The following TSHZ2 variants were observed in gnomAD, a reference collection of about 807,000 sequenced individuals.
The protein encoded by TSHZ2 is teashirt zinc finger homeobox 2.
Under a neutral mutation model 74.4 loss-of-function variants are expected in TSHZ2, and 21 were observed. The observed-to-expected ratio is 0.28, with a 90% CI of 0.20 to 0.41. The LOEUF (loss-of-function observed/expected upper bound fraction) is 0.41. Among genes scored for constraint, TSHZ2 ranks in the 10% least tolerant of loss-of-function variants. TSHZ2 has a pLI of 1.00. For missense variants in TSHZ2, 1,244 were observed against 1,293.5 expected, an observed-to-expected ratio of 0.96 and a Z score of 0.59; for synonymous variants, 540 against 515.3, an observed-to-expected ratio of 1.05 and a Z score of -0.65.
rs1986344135 is a variant in TSHZ2, at chr20:53,488,127, C to T, written c.*992C>T. On this transcript the variant is annotated 3_prime_UTR_variant, in exon 3 of 3. Transcript: ENST00000371497. ...CAACAGAAAGCATGAAATAGGGTGTCCATTTTAAATGTGTTCCTGCAACTT... is the reference window on the plus strand; with the variant it reads ...CAACAGAAAGCATGAAATAGGGTGTTCATTTTAAATGTGTTCCTGCAACTT... 1 of 152,110 alleles carries T rather than the reference C, an allele frequency of 6.6e-6. No homozygotes were observed. The highest frequency in any genetic ancestry group is 1.5e-5 in the Non-Finnish European group (1 of 68,020). The allele number at this position is 152,110 out of a possible 1,614,324, so 9.4% of individuals were successfully genotyped here.
chr20:53,271,434 GCTACT>G (rs1990836412), intron 2 of TSHZ2, among the ~76,000 whole-genome samples: 1 of 152,240 alleles, frequency 6.6e-6, no homozygotes, highest in Non-Finnish European at 1.5e-5. Context: ...ATTAACAAGA[GCTACT>G]CTCATAATAA....
At chr20:53,448,185 T>A (rs768560051) in intron 2 of TSHZ2, among the ~76,000 whole-genome samples, 3 of 152,154 alleles carry the variant, frequency 2.0e-5, no homozygotes, top group Non-Finnish European at 4.4e-5. Context: ...AAGACTTTAA[T>A]CGGGTGCTGC....
chr20:53,349,676 G>A (rs948857436), intron 2 of TSHZ2, among the ~76,000 whole-genome samples: 3 of 150,562 alleles, frequency 2.0e-5, no homozygotes, highest in Non-Finnish European at 4.4e-5. Flanking sequence ...AAGAAGTGTA[G>A]CTTCCCCAGG....
chr20:53,255,892 T>G lies in TSHZ2; in HGVS notation c.2434T>G (p.Ser812Ala), dbSNP rs1990466479. 6.2e-7 allele frequency: 1 copy of G among 1,613,544 alleles called. No individual in the cohort carries two copies. The highest frequency in any genetic ancestry group is 8.5e-7 in the Non-Finnish European group (1 of 1,179,784). ...CAAAGCCACCACCCCAAAGCCAGCCTCCTCCTCCAGGGTCCCCCCCATGAA... is the reference window on the plus strand; with the variant it reads ...CAAAGCCACCACCCCAAAGCCAGCCGCCTCCTCCAGGGTCCCCCCCATGAA... Reference protein sequence around the residue: ...LPKATTPKPASSSRVPPMKLE... With the variant: ...LPKATTPKPAASSRVPPMKLE... The change falls in exon 2 of 3, where the codon TCC becomes GCC. Residue 812 changes from serine (S) to alanine (A), a missense_variant. Coordinates refer to ENST00000371497, the MANE Select transcript of TSHZ2 (RefSeq NM_173485.6). The surrounding 1 kb of genome is among the most constrained non-coding windows in gnomAD (Gnocchi z 4.1).
chr20:53,021,233 GA>G (rs1483241329), intron 1 of TSHZ2, among the ~76,000 whole-genome samples: 13 of 152,138 alleles, frequency 8.5e-5, no homozygotes, highest in African/African-American at 3.1e-4. Context: ...AACCACTTTG[GA>G]TTTTTTTCTG....
intron 2 of TSHZ2, among the ~76,000 whole-genome samples, chr20:53,447,445 C>T (rs1261466011): frequency 6.6e-6 from 1 of 152,208 alleles, no homozygotes; most frequent in Non-Finnish European, 1.5e-5. Flanking sequence ...ATACCCTTAA[C>T]CCAACTTCCC....
chr20:53,176,690 C>CT (rs1205063066), intron 1 of TSHZ2, among the ~76,000 whole-genome samples: 1,844 of 137,402 alleles, frequency 0.013, 18 homozygotes, highest in African/African-American at 0.026. Flanking sequence ...TTGTTTCTTT[C>CT]TTTTTTTTTT....
chr20:53,399,655 G>A (rs771698949), intron 2 of TSHZ2: 3 of 152,068 alleles, frequency 2.0e-5, no homozygotes, highest in Non-Finnish European at 4.4e-5. Context: ...GCTTGTGCAT[G>A]AAAGGGATTC....
At chr20:53,022,850 A>G (rs1022597) in intron 1 of TSHZ2, among the ~76,000 whole-genome samples, 122,753 of 152,216 alleles carry the variant, frequency 0.81, 49,971 homozygotes, top group East Asian at 0.93. Flanking sequence ...ATGATAAAAT[A>G]TCATCGCTGC....
At chr20:53,140,657 G>A (rs981710139) in intron 1 of TSHZ2, among the ~76,000 whole-genome samples, 8 of 151,958 alleles carry the variant, frequency 5.3e-5, no homozygotes, top group Admixed American at 1.3e-4. Context: ...ATATTCCCTG[G>A]CCTTGCCAGG....
chr20:53,154,040 A>G (rs555898401), intron 1 of TSHZ2, among the ~76,000 whole-genome samples: 2 of 152,342 alleles, frequency 1.3e-5, no homozygotes, highest in South Asian at 4.1e-4. Flanking sequence ...GGACAAAGTA[A>G]GTCAAAAGGC....
intron 1 of TSHZ2, among the ~76,000 whole-genome samples, chr20:53,069,592 T>A (rs900184855): frequency 1.3e-5 from 2 of 151,280 alleles, no homozygotes; most frequent in African/African-American, 4.9e-5. Flanking sequence ...GTTAACAAAA[T>A]CCCTTGTTTC....
chr20:53,055,077 T>C (rs955909796), intron 1 of TSHZ2, among the ~76,000 whole-genome samples: 18 of 152,204 alleles, frequency 1.2e-4, no homozygotes, highest in African/African-American at 3.1e-4. Context: ...ACTTGATCTG[T>C]GGGCTGTCAG....
At chr20:53,412,799 G>A (rs1983099806) in intron 2 of TSHZ2, 2 of 152,418 alleles carry the variant, frequency 1.3e-5, no homozygotes, top group South Asian at 4.1e-4. Flanking sequence ...TAAACAAACT[G>A]TCAGAGGTCA....
chr20:53,213,387 C>G (rs1989357540), intron 1 of TSHZ2, among the ~76,000 whole-genome samples: 1 of 152,162 alleles, frequency 6.6e-6, no homozygotes, highest in African/African-American at 2.4e-5. Flanking sequence ...GCTGCTGCAC[C>G]TGGATGCTTC....
chr20:53,331,994 C>T (rs1055780991), intron 2 of TSHZ2, among the ~76,000 whole-genome samples: 1 of 152,156 alleles, frequency 6.6e-6, no homozygotes, highest in African/African-American at 2.4e-5. Flanking sequence ...ACAGAGACTC[C>T]ATCTTCACTG....
At chr20:53,011,922 A>T (rs1395339101) in intron 1 of TSHZ2, among the ~76,000 whole-genome samples, 1 of 152,136 alleles carries the variant, frequency 6.6e-6, no homozygotes, top group Non-Finnish European at 1.5e-5. Flanking sequence ...GCACTTTACA[A>T]AACAAAGTTA....
At chr20:53,166,937 T>G (rs1009834163) in intron 1 of TSHZ2, among the ~76,000 whole-genome samples, 6 of 152,008 alleles carry the variant, frequency 3.9e-5, no homozygotes, top group African/African-American at 1.4e-4. Flanking sequence ...AACCTGATAA[T>G]GTAATAGTGA....
chr20:53,003,679 G>A (rs557105558), intron 1 of TSHZ2, among the ~76,000 whole-genome samples: 28 of 152,082 alleles, frequency 1.8e-4, no homozygotes, highest in Non-Finnish European at 2.5e-4. Context: ...AAATGTCTCC[G>A]GGTAATGGCT....
Sources: allele counts gnomAD v4.1 joint callset (sites outside exome capture counted in the v4.1 genomes callset), GRCh38; gene constraint gnomAD v4.1.1; non-coding constraint Gnocchi (gnomAD v3.1); transcripts MANE v1.5; gene names NCBI Gene and HGNC (gene_info 2026-07-23, HGNC 2026-07-21).